Variants in SREK1IP1 observed in about 807,000 individuals in gnomAD.
SREK1IP1 encodes the protein protein SREK1IP1.
A neutral mutation model predicts 22.8 loss-of-function variants in SREK1IP1; 12 were observed. The observed-to-expected ratio is 0.53, with a 90% CI of 0.34 to 0.85. SREK1IP1 has a LOEUF of 0.85. Ranked by LOEUF, SREK1IP1 falls within the 40% of genes least tolerant of loss-of-function variation. The pLI, the probability that SREK1IP1 is intolerant of heterozygous loss-of-function variation, is 0.02. For synonymous variants in SREK1IP1, 53 were observed against 52.7 expected (o/e 1.01, Z -0.02); for missense variants, 147 against 171.8 (o/e 0.86, Z 0.81).
intron 3 of SREK1IP1, among the ~76,000 whole-genome samples, chr5:64,737,323 C>T (rs910196576): frequency 2.6e-5 from 4 of 151,558 alleles, no homozygotes; most frequent in African/African-American, 7.3e-5. Flanking sequence ...TTAAACCACA[C>T]ACACCTGACC....
intron 3 of SREK1IP1, among the ~76,000 whole-genome samples, chr5:64,737,413 A>G (rs748124484): frequency 6.6e-6 from 1 of 151,522 alleles, no homozygotes; most frequent in Admixed American, 6.6e-5. Flanking sequence ...ACCACAATTT[A>G]TGGGATTCTG....
intron 3 of SREK1IP1, among the ~76,000 whole-genome samples, chr5:64,734,228 A>T (rs1031936022): frequency 5.3e-5 from 8 of 152,112 alleles, no homozygotes; most frequent in Non-Finnish European, 1.5e-5. Context: ...GTATGGGTCT[A>T]TTCTGTTCCA....
chr5:64,749,727 C>T (rs1382015788), intron 2 of SREK1IP1, among the ~76,000 whole-genome samples: 2 of 152,180 alleles, frequency 1.3e-5, no homozygotes, highest in Non-Finnish European at 2.9e-5. Flanking sequence ...AGGCATGAGC[C>T]ACTGCACCTG....
intron 1 of SREK1IP1, among the ~76,000 whole-genome samples, chr5:64,758,608 G>A (rs1742891087): frequency 6.6e-6 from 1 of 152,128 alleles, no homozygotes; most frequent in Non-Finnish European, 1.5e-5. Context: ...AGAAACTGTA[G>A]ATGCTAAAAA....
Position 64,724,165 on chromosome 5 carries a change from T to C in SREK1IP1, c.*219A>G. The C allele has an allele frequency of 2.5e-6, 1 of 404,032 alleles. No homozygotes were observed. Among genetic ancestry groups the C allele is most frequent in the Non-Finnish European group, 4.5e-6 (1 of 222,440 alleles). The allele number at this position is 404,032 out of a possible 1,614,324, so 25.0% of individuals were successfully genotyped here. A position where few individuals can be genotyped will look rare whatever the true frequency, so the allele number is the denominator to read the frequency against. The stretch of plus-strand genomic sequence containing the variant: ...TTTAGTATACACAAATAGCTATACT[T>C]GGGGCATGGCTATCAAGTAACAAGA... On this transcript the variant is annotated 3_prime_UTR_variant, in exon 5 of 5. Transcript: ENST00000513458.
At position 64,733,964 on chromosome 5, in the gene SREK1IP1, C is replaced by T. The variant is rs140953421; in HGVS notation, c.206-5785G>A. On this transcript the variant is annotated intron_variant, in intron 3 of 4. Transcript: ENST00000513458. The stretch of plus-strand genomic sequence containing the variant: ...AGTTTTGGTTTATAGGGCTTAGGAA[C>T]GTGGTGAGGGCAAGAGAAAAGTGGA... 3.6e-3 allele frequency among the ~76,000 whole-genome samples: 543 copies of T among 151,994 alleles called. 2 individuals carry two copies. The highest frequency in any genetic ancestry group is 0.017 in the Middle Eastern group (5 of 294).
intron 3 of SREK1IP1, among the ~76,000 whole-genome samples, chr5:64,737,507 C>CAAA (rs34983078): frequency 4.2e-5 from 4 of 95,066 alleles, no homozygotes; most frequent in Non-Finnish European, 7.1e-5. Context: ...TTCATACTGT[C>CAAA]AAAAAAAAAA....
At chr5:64,758,473 T>C (rs1742888761) in intron 1 of SREK1IP1, among the ~76,000 whole-genome samples, 1 of 152,228 alleles carries the variant, frequency 6.6e-6, no homozygotes, top group South Asian at 2.1e-4. Context: ...AACAAATATG[T>C]TGTAGCAGAA....
intron 2 of SREK1IP1, among the ~76,000 whole-genome samples, chr5:64,753,616 T>C (rs987625666): frequency 6.6e-6 from 1 of 152,186 alleles, no homozygotes; most frequent in African/African-American, 2.4e-5. Flanking sequence ...GTCAAATCAT[T>C]CTTAGTTGGT....
At chr5:64,741,987 A>ATT (rs11355158) in intron 2 of SREK1IP1, among the ~76,000 whole-genome samples, 2 of 143,402 alleles carry the variant, frequency 1.4e-5, no homozygotes, top group Admixed American at 7.0e-5. Context: ...ATCTCATTCC[A>ATT]TTTTTTTTTT....
At position 64,734,734 on chromosome 5, in the gene SREK1IP1, C is replaced by T. The variant is rs529392281; in HGVS notation, c.205+6323G>A. Among the ~76,000 whole-genome samples, 16 of 152,062 alleles carry T rather than the reference C, an allele frequency of 1.1e-4. No homozygotes were observed. The East Asian group carries it at 1.4e-3, about 13-fold the overall frequency. ...TGTTCATTGCCAGTGTACAGAAATACAATTGATTTCTGCTAACTGATCTTG... is the reference window on the plus strand; with the variant it reads ...TGTTCATTGCCAGTGTACAGAAATATAATTGATTTCTGCTAACTGATCTTG... On this transcript the variant is annotated intron_variant, in intron 3 of 4. Transcript: ENST00000513458.
rs780431290 is a variant in SREK1IP1 at position 64,754,312 on chromosome 5, T to TA, written c.61+2dup. The stretch of plus-strand genomic sequence containing the variant: ...AAAGCATGTCATCTTTTAGAATACT[T>TA]ACGGTAGCCACATTTTTTACAGCCT... On this transcript the variant is annotated splice_region_variant and intron_variant, in intron 2 of 4. Coordinates refer to ENST00000513458, the MANE Select transcript of SREK1IP1 (RefSeq NM_173829.4). The TA allele has an allele frequency of 1.2e-6, 2 of 1,613,788 alleles. No homozygotes were observed. The highest frequency in any genetic ancestry group is 1.7e-5 in the Admixed American group (1 of 60,020).
In SREK1IP1 at chr5:64,751,967, A is replaced by T; in HGVS notation, c.61+2348T>A. Among the ~76,000 whole-genome samples, 2 of 152,068 alleles carry T rather than the reference A, an allele frequency of 1.3e-5. 1 individual carries two copies. Among genetic ancestry groups the T allele is most frequent in the Non-Finnish European group, 2.9e-5 (2 of 68,020 alleles). ...GATCAACCACTGGGTCTACTATACT[A>T]ATCTTTTAATCATACTTTCTGAAAA... On this transcript the variant is annotated intron_variant, in intron 2 of 4. Transcript: ENST00000513458.
At chr5:64,762,217 G>A (rs1580560635) in intron 1 of SREK1IP1, among the ~76,000 whole-genome samples, 1 of 152,046 alleles carries the variant, frequency 6.6e-6, no homozygotes, top group African/African-American at 2.4e-5. Flanking sequence ...TCCTAGAATC[G>A]CTTAAATTTA....
intron 1 of SREK1IP1, among the ~76,000 whole-genome samples, chr5:64,763,532 G>A (rs1284386598): frequency 7.9e-5 from 12 of 151,334 alleles, no homozygotes; most frequent in East Asian, 5.9e-4. Context: ...GCGAGACTCC[G>A]TCACCCCCTC....
chr5:64,742,055 T>A (rs558092361), intron 2 of SREK1IP1, among the ~76,000 whole-genome samples: 1 of 152,114 alleles, frequency 6.6e-6, no homozygotes, highest in African/African-American at 2.4e-5. Context: ...AACAACATAT[T>A]GTGATATGTA....
chr5:64,741,773 GTA>G (rs1161476913), intron 2 of SREK1IP1, among the ~76,000 whole-genome samples: 6 of 151,990 alleles, frequency 3.9e-5, no homozygotes, highest in Admixed American at 1.3e-4. Flanking sequence ...ATCTACTTAT[GTA>G]TATGTTTTAG....
chr5:64,740,499 T>A (rs1473588038), intron 3 of SREK1IP1, among the ~76,000 whole-genome samples: 1 of 152,134 alleles, frequency 6.6e-6, no homozygotes, highest in African/African-American at 2.4e-5. Context: ...TTAATATTGA[T>A]CACAGTGGGT....
chr5:64,733,565 G>A (rs1487516607), intron 3 of SREK1IP1, among the ~76,000 whole-genome samples: 2 of 152,070 alleles, frequency 1.3e-5, no homozygotes, highest in African/African-American at 2.4e-5. Context: ...TCGTAGGGAC[G>A]TAAAATGGTA....
Sources: gnomAD v4.1 joint callset for allele counts (sites outside exome capture counted in the v4.1 genomes callset) on GRCh38, gnomAD v4.1.1 for gene constraint, MANE v1.5 for transcripts, NCBI Gene and HGNC (gene_info 2026-07-23, HGNC 2026-07-21) for gene names.